The following RAB8A variants were observed in gnomAD, a reference collection of about 807,000 sequenced individuals.
The protein encoded by RAB8A is RAB8A, member RAS oncogene family.
A neutral mutation model predicts 29.2 loss-of-function variants in RAB8A; 5 were observed. That is an observed-to-expected ratio of 0.17 (90% CI 0.09 to 0.36). The LOEUF is 0.36. Among genes scored for constraint, RAB8A ranks in the 10% least tolerant of loss-of-function variants. The pLI, the probability that RAB8A is intolerant of heterozygous loss-of-function variation, is 1.00. For synonymous variants in RAB8A, 108 were observed against 99.9 expected (o/e 1.08, Z -0.49); for missense variants, 171 against 272.2 (o/e 0.63, Z 2.62).
At chr19:16,126,402 G>C (rs1599398365) in intron 4 of RAB8A, 1 of 152,608 alleles carries the variant, frequency 6.6e-6, no homozygotes, top group South Asian at 2.1e-4. Context: ...AAAGGTCTCT[G>C]TTTCTGGCCA....
intron 7 of RAB8A, among the ~76,000 whole-genome samples, chr19:16,130,805 C>A (rs969655266): frequency 2.0e-5 from 3 of 151,546 alleles, no homozygotes; most frequent in African/African-American, 4.8e-5. Flanking sequence ...CACACACCAC[C>A]ATGCCTGGCT....
At chr19:16,130,029 A>T (rs1599399929) in intron 7 of RAB8A, among the ~76,000 whole-genome samples, 1 of 151,944 alleles carries the variant, frequency 6.6e-6, no homozygotes, top group African/African-American at 2.4e-5. Context: ...CCCCCGCTCC[A>T]CCCCAGCCCC....
rs374646507 is a variant in RAB8A at position 16,125,588 on chromosome 19, C to G, written c.324+41C>G. 6 of 1,567,332 alleles carry G rather than the reference C, an allele frequency of 3.8e-6. No homozygotes were observed. Among genetic ancestry groups the G allele is most frequent in the Non-Finnish European group, 5.3e-6 (6 of 1,142,096 alleles). ...TCCTCCCACTGTCCCTGCTTCAGTC[C>G]TTGTCCCAGAGCCCTCTGGTTTACT... is the stretch of plus-strand genomic sequence containing the variant. On this transcript the variant is annotated intron_variant, in intron 4 of 7. Transcript: ENST00000300935. The surrounding 1 kb of genome is among the most constrained non-coding windows in gnomAD (Gnocchi z 5.0).
chr19:16,114,125 C>T (rs918592987), intron 1 of RAB8A, among the ~76,000 whole-genome samples: 4 of 151,870 alleles, frequency 2.6e-5, no homozygotes, highest in Admixed American at 6.6e-5. Context: ...TAAAATCAGC[C>T]GGGCACAGTG....
At chr19:16,117,024 A>C (rs1376970096) in intron 1 of RAB8A, among the ~76,000 whole-genome samples, 1 of 152,074 alleles carries the variant, frequency 6.6e-6, no homozygotes, top group African/African-American at 2.4e-5. Context: ...GGAATCTCAC[A>C]CTAAGTGACC....
intron 2 of RAB8A, among the ~76,000 whole-genome samples, chr19:16,119,136 C>G (rs2090860978): frequency 6.6e-6 from 1 of 152,180 alleles, no homozygotes; most frequent in African/African-American, 2.4e-5. Flanking sequence ...TTTGACCGGT[C>G]ACCCCCACTT....
At chr19:16,121,964 T>G in intron 3 of RAB8A, 154 bp downstream of exon 3, 3 of 683,616 alleles carry the variant, frequency 4.4e-6, no homozygotes, top group East Asian at 5.3e-5. Context: ...GGAACAGGCT[T>G]TGTGCCCCGG....
chr19:16,114,407 C>G (rs1190472892), intron 1 of RAB8A, among the ~76,000 whole-genome samples: 4 of 125,752 alleles, frequency 3.2e-5, no homozygotes, highest in Non-Finnish European at 4.9e-5. Context: ...GAGACAGTCT[C>G]TCTTTGTCAC....
chr19:16,129,530 A>T (rs767428006), intron 6 of RAB8A, 24 bp from the exon 7 acceptor site: 2 of 1,613,256 alleles, frequency 1.2e-6, no homozygotes, highest in South Asian at 1.1e-5. Flanking sequence ...CATCCCAAGG[A>T]CTCACAATGT....
At chr19:16,129,463 G>C (rs2090915860) in intron 6 of RAB8A, 91 bp from the exon 7 acceptor site, 3 of 1,307,850 alleles carry the variant, frequency 2.3e-6, no homozygotes, top group Non-Finnish European at 2.2e-6. Flanking sequence ...GCCCACGCCT[G>C]GGAAGCTGTC....
chr19:16,130,190 G>A (rs2241401), intron 7 of RAB8A, among the ~76,000 whole-genome samples: 21,283 of 150,910 alleles, frequency 0.14, 1,806 homozygotes, highest in East Asian at 0.3. Context: ...TTCCTAGTCC[G>A]CTGCGCTCAG....
At chr19:16,116,704 G>A (rs780584223) in intron 1 of RAB8A, among the ~76,000 whole-genome samples, 12 of 152,192 alleles carry the variant, frequency 7.9e-5, no homozygotes, top group East Asian at 1.9e-4. Context: ...GCATGGTGGC[G>A]CGTGCCGGCA....
At chr19:16,121,063 C>T (rs1410283890) in intron 2 of RAB8A, among the ~76,000 whole-genome samples, 2 of 151,784 alleles carry the variant, frequency 1.3e-5, no homozygotes, top group East Asian at 1.9e-4. Context: ...ATTACAGGCA[C>T]GTGCCACCAT....
At position 16,118,287 on chromosome 19, in the gene RAB8A, G is replaced by A; in HGVS notation, c.185+1G>A. ...GCAAGAGAATTAAACTGCAGATATG[G>A]TAAGAGTCATTGTTCTCTGTCATTC... On this transcript the variant is annotated splice_donor_variant, in intron 2 of 7. Transcript: ENST00000300935. LOFTEE classifies it high-confidence loss of function. 6.2e-7 allele frequency: 1 copy of A among 1,609,842 alleles called. No individual in the cohort carries two copies. Among genetic ancestry groups the A allele is most frequent in the Non-Finnish European group, 8.5e-7 (1 of 1,177,678 alleles).
chr19:16,121,911 G>C, intron 3 of RAB8A, 101 bp downstream of exon 3: 1 of 1,176,224 alleles, frequency 8.5e-7, no homozygotes, highest in East Asian at 2.4e-5. Flanking sequence ...TGTGGAGCCC[G>C]TGCCCCAACT....
Position 16,128,152 on chromosome 19 carries a change from G to C in RAB8A, c.480+61G>C. 7 of 1,566,068 alleles carry C rather than the reference G, an allele frequency of 4.5e-6. No individual in the cohort carries two copies. The Admixed American group carries it at 1.0e-4, about 23-fold the overall frequency. ...GCAGGATCGGCCCCTTCAGGCTAAAGGGGGAGCTGGCGTCCTCCGAGGAGG... is the reference window on the plus strand; with the variant it reads ...GCAGGATCGGCCCCTTCAGGCTAAACGGGGAGCTGGCGTCCTCCGAGGAGG... On this transcript the variant is annotated intron_variant, in intron 6 of 7. Transcript: ENST00000300935.
At chr19:16,113,959 C>T (rs1277559049) in intron 1 of RAB8A, among the ~76,000 whole-genome samples, 1 of 152,148 alleles carries the variant, frequency 6.6e-6, no homozygotes, top group Non-Finnish European at 1.5e-5. Flanking sequence ...CCTGCAGTGA[C>T]AGCATCCAGC....
rs1224763032 is a variant in RAB8A at position 16,132,746 on chromosome 19, TCC to T, written c.*444_*445del. 6.1e-6 allele frequency: 1 copy of T among 164,030 alleles called. No individual in the cohort carries two copies. Among genetic ancestry groups the T allele is most frequent in the Non-Finnish European group, 1.3e-5 (1 of 74,894 alleles). 10.2% of individuals were successfully genotyped at this position (164,030 alleles called of 1,614,324 possible). On this transcript the variant is annotated 3_prime_UTR_variant, in exon 8 of 8. Transcript: ENST00000300935. The surrounding 1 kb of genome is among the most constrained non-coding windows in gnomAD (Gnocchi z 5.6). ...CAGCGGTGGTTCCAGGAGCAACAGCTCCCAAACCCTGAGCAAGGCAACCGATC... is the reference window on the plus strand; with the variant it reads ...CAGCGGTGGTTCCAGGAGCAACAGCTCAAACCCTGAGCAAGGCAACCGATC...
At position 16,117,306 on chromosome 19, in the gene RAB8A, C is replaced by T. The variant is rs1212658390; in HGVS notation, c.125-920C>T. ...GAGTTTGAGACCAGCCTGGCCAACACGGTGAAACCCCATCTCTACTAAAAA... is the reference window on the plus strand; with the variant it reads ...GAGTTTGAGACCAGCCTGGCCAACATGGTGAAACCCCATCTCTACTAAAAA... On this transcript the variant is annotated intron_variant, in intron 1 of 7. Coordinates refer to ENST00000300935, the MANE Select transcript of RAB8A (RefSeq NM_005370.5). Among the ~76,000 whole-genome samples the T allele has an allele frequency of 1.3e-5, 2 of 151,814 alleles. 1 individual carries two copies. The highest frequency in any genetic ancestry group is 4.1e-4 in the South Asian group (2 of 4,820).
Sources: allele counts gnomAD v4.1 joint callset (sites outside exome capture counted in the v4.1 genomes callset), GRCh38; gene constraint gnomAD v4.1.1; non-coding constraint Gnocchi (gnomAD v3.1); transcripts MANE v1.5; gene names NCBI Gene and HGNC (gene_info 2026-07-23, HGNC 2026-07-21).